Variants in MTFR1 observed in about 807,000 individuals in gnomAD.
MTFR1 encodes the protein mitochondrial fission regulator 1.
A neutral mutation model predicts 38.8 loss-of-function variants in MTFR1; 28 were observed. The observed-to-expected ratio is 0.72, with a 90% CI of 0.53 to 0.99. The LOEUF is 0.99. Among genes scored for constraint, MTFR1 ranks in the 50% least tolerant of loss-of-function variants. The pLI is 0.00. For missense variants in MTFR1, 358 were observed against 395.5 expected (o/e 0.91, Z 0.81); for synonymous variants, 145 against 137.0 (o/e 1.06, Z -0.41).
rs1179431555 is a variant in MTFR1, at chr8:65,730,171, CTTTTT to C, written c.*48+10712_*48+10716del. On this transcript the variant is annotated intron_variant, in intron 3 of 3. Coordinates refer to the MTFR1 transcript ENST00000521247. ...TGTGAGGGATCCAGGTTGCGCACTT[CTTTTT>C]TTTTTTTTTTTTTTTTTTTTTGAGA... is the stretch of plus-strand genomic sequence containing the variant. Among the ~76,000 whole-genome samples, 87 of 86,440 alleles carry C rather than the reference CTTTTT, an allele frequency of 1.0e-3. 1 individual carries two copies. The highest frequency in any genetic ancestry group is 4.1e-3 in the East Asian group (8 of 1,930). The allele number at this position is 86,440 out of a possible 152,430, so 56.7% of individuals were successfully genotyped here. A position where few individuals can be genotyped will look rare whatever the true frequency, so the allele number is the denominator to read the frequency against.
At chr8:65,731,541 CTGACAACTATGAATGTTACCAGTG>C (rs1391380508) in intron 3 of MTFR1, 2 of 152,208 alleles carry the variant, frequency 1.3e-5, no homozygotes, top group Non-Finnish European at 2.9e-5. Flanking sequence ...ATCTCTTCAG[CTGACAACTATGAATGTTACCAGTG>C]TCAATCAATC....
At chr8:65,679,011 G>A (rs1804801545) in intron 2 of MTFR1, among the ~76,000 whole-genome samples, 1 of 152,182 alleles carries the variant, frequency 6.6e-6, no homozygotes, top group Non-Finnish European at 1.5e-5. Context: ...GCGTAGTGAA[G>A]AATGCTAAAA....
In MTFR1 at chr8:65,707,945, T is replaced by C. The variant is rs779638126; in HGVS notation, c.867T>C (p.Asp289=). Residue 289 remains aspartate (D), a synonymous_variant, in exon 7 of 8, where the codon GAT becomes GAC. Coordinates refer to ENST00000262146, the MANE Select transcript of MTFR1 (RefSeq NM_014637.4). ...KKKFAYRYRS[D]SQDEVEKGIP... ...AATTTGCTTATCGGTATCGAAGTGA[T>C]AGCCAAGATGAAGTTGAAAAAGGAA... is the stretch of plus-strand genomic sequence containing the variant. 1 of 1,614,002 alleles carries C rather than the reference T, an allele frequency of 6.2e-7. No individual in the cohort carries two copies. Among genetic ancestry groups the C allele is most frequent in the South Asian group, 1.1e-5 (1 of 91,078 alleles).
chr8:65,741,272 A>T (rs1181592146), intron 3 of MTFR1, among the ~76,000 whole-genome samples: 1 of 152,230 alleles, frequency 6.6e-6, no homozygotes, highest in Admixed American at 6.5e-5. Flanking sequence ...ACATTCAGAT[A>T]ATGCAATAAA....
At chr8:65,689,805 C>T (rs1805218689) in intron 3 of MTFR1, among the ~76,000 whole-genome samples, 1 of 151,808 alleles carries the variant, frequency 6.6e-6, no homozygotes, top group Admixed American at 6.6e-5. Flanking sequence ...CTGAAACGGC[C>T]TTTTATAAAG....
At chr8:65,651,084 G>A (rs1585739274) in intron 1 of MTFR1, among the ~76,000 whole-genome samples, 1 of 152,270 alleles carries the variant, frequency 6.6e-6, no homozygotes, top group Non-Finnish European at 1.5e-5. Flanking sequence ...TTTGCCATTT[G>A]TAAGTCTTCT....
At chr8:65,729,547 T>C (rs1192641236) in intron 3 of MTFR1, among the ~76,000 whole-genome samples, 2 of 152,094 alleles carry the variant, frequency 1.3e-5, no homozygotes, top group African/African-American at 2.4e-5. Context: ...TTATTTTTCC[T>C]AATGATGCTA....
At chr8:65,695,312 T>C (rs113752180) in intron 4 of MTFR1, among the ~76,000 whole-genome samples, 3,354 of 152,246 alleles carry the variant, frequency 0.022, 127 homozygotes, top group African/African-American at 0.076. Context: ...AATTCTCAGG[T>C]TTCCATGTAG....
At chr8:65,743,835 A>G (rs1193211226) in intron 3 of MTFR1, among the ~76,000 whole-genome samples, 1 of 150,210 alleles carries the variant, frequency 6.7e-6, no homozygotes, top group Non-Finnish European at 1.5e-5. Flanking sequence ...CATTAGCTGA[A>G]TTGCTTTTTT....
chr8:65,726,802 A>C, intron 3 of MTFR1: 2 of 787,128 alleles, frequency 2.5e-6, no homozygotes, highest in South Asian at 3.3e-5. Flanking sequence ...AATTTTTAAA[A>C]CTTTATAAAA....
At chr8:65,675,403 G>A (rs1804684449) in intron 2 of MTFR1, among the ~76,000 whole-genome samples, 1 of 152,144 alleles carries the variant, frequency 6.6e-6, no homozygotes, top group Admixed American at 6.6e-5. Context: ...AGACCATCCT[G>A]GCTAACACGG....
intron 3 of MTFR1, chr8:65,727,855 C>A (rs16932315): frequency 0.098 from 14,891 of 152,240 alleles, 878 homozygotes; most frequent in African/African-American, 0.17. Flanking sequence ...TAACGGATGG[C>A]TACATTCATA....
At chr8:65,694,069 ATTCTTT>A (rs1367622488) in intron 4 of MTFR1, among the ~76,000 whole-genome samples, 15 of 134,464 alleles carry the variant, frequency 1.1e-4, no homozygotes, top group South Asian at 2.3e-4. Flanking sequence ...ACCCTGGCTA[ATTCTTT>A]TTTTTTTTTT....
At chr8:65,749,661 A>C (rs1009417438) in intron 3 of MTFR1, among the ~76,000 whole-genome samples, 1 of 152,258 alleles carries the variant, frequency 6.6e-6, no homozygotes, top group African/African-American at 2.4e-5. Flanking sequence ...CAGCTTCAAA[A>C]GATAAATAGT....
chr8:65,693,600 G>T, intron 3 of MTFR1, 44 bp from the exon 4 acceptor site: 1 of 1,540,412 alleles, frequency 6.5e-7, no homozygotes. Flanking sequence ...TTAACATTTT[G>T]GTGCCATCTT....
intron 3 of MTFR1, among the ~76,000 whole-genome samples, chr8:65,741,012 G>A (rs553305921): frequency 1.2e-3 from 184 of 152,174 alleles, no homozygotes; most frequent in African/African-American, 4.2e-3. Flanking sequence ...ACTAACAAGT[G>A]GAGTCACACC....
chr8:65,753,806 A>G (rs1437869228), intron 3 of MTFR1, among the ~76,000 whole-genome samples: 1 of 152,216 alleles, frequency 6.6e-6, no homozygotes, highest in Non-Finnish European at 1.5e-5. Flanking sequence ...ATTGTTAGAT[A>G]TACGTATGTG....
intron 1 of MTFR1, among the ~76,000 whole-genome samples, chr8:65,664,941 T>A (rs1199577322): frequency 6.7e-6 from 1 of 149,956 alleles, no homozygotes; most frequent in Non-Finnish European, 1.5e-5. Context: ...AAATTTTTTT[T>A]TTTTTTTTTT....
chr8:65,689,532 C>T lies in MTFR1; in HGVS notation c.166-4112C>T, dbSNP rs761896373. ...TGATTTTGAAAAAAAATTTCTATCT[C>T]TTCACTTTTTTTTTCTTTTTCCACT... On this transcript the variant is annotated intron_variant, in intron 3 of 7. Transcript: ENST00000262146. 1.9e-5 allele frequency: 23 copies of T among 1,231,040 alleles called. 1 individual carries two copies. In the South Asian group the frequency reaches 2.0e-4, roughly 11 times the overall value. The allele number at this position is 1,231,040 out of a possible 1,614,324, so 76.3% of individuals were successfully genotyped here.
Sources: gnomAD v4.1 joint callset for allele counts (sites outside exome capture counted in the v4.1 genomes callset) on GRCh38, gnomAD v4.1.1 for gene constraint, MANE v1.5 for transcripts, NCBI Gene and HGNC (gene_info 2026-07-23, HGNC 2026-07-21) for gene names.